Variants in LRP11 observed in about 807,000 individuals in gnomAD.
LRP11 encodes the protein LDL receptor related protein 11, also known as low-density lipoprotein receptor-related protein 11.
Under a neutral mutation model 43.1 loss-of-function variants are expected in LRP11, and 25 were observed. The ratio of observed to expected loss-of-function variants is 0.58; its 90% CI spans 0.42 to 0.81. The LOEUF is 0.81. LRP11 is among the 30% of genes least tolerant of loss of function. The pLI is 0.00. For missense variants in LRP11, 623 were observed against 665.1 expected, an observed-to-expected ratio of 0.94 and a Z score of 0.70; for synonymous variants, 316 against 299.4, an observed-to-expected ratio of 1.06 and a Z score of -0.57.
At chr6:149,825,311 A>G (rs1157475776) in intron 6 of LRP11, among the ~76,000 whole-genome samples, 1 of 152,130 alleles carries the variant, frequency 6.6e-6, no homozygotes, top group Non-Finnish European at 1.5e-5. Flanking sequence ...AAATTATTGT[A>G]TTCTTCTTCC....
chr6:149,836,315 T>A lies in LRP11; in HGVS notation c.1040-18A>T. 6.2e-7 allele frequency: 1 copy of A among 1,604,010 alleles called. No individual in the cohort carries two copies. The highest frequency in any genetic ancestry group is 8.5e-7 in the Non-Finnish European group (1 of 1,171,460). On this transcript the variant is annotated intron_variant, in intron 4 of 6. Coordinates refer to ENST00000239367, the MANE Select transcript of LRP11 (RefSeq NM_032832.6). ...CAGGCCCACTGAAGTGTGGAAGAGC[T>A]ACTGTTAGTTGCTGGATTTCTTTTC...
chr6:149,823,327 ACAGT>A (rs1776299940), intron 6 of LRP11, among the ~76,000 whole-genome samples: 1 of 152,302 alleles, frequency 6.6e-6, no homozygotes, highest in East Asian at 1.9e-4. Flanking sequence ...GAACATGATC[ACAGT>A]CAGGAGAATG....
intron 6 of LRP11, among the ~76,000 whole-genome samples, chr6:149,821,789 A>G (rs1776281470): frequency 6.6e-6 from 1 of 152,224 alleles, no homozygotes; most frequent in Non-Finnish European, 1.5e-5. Flanking sequence ...TAGAGGAGAA[A>G]CATCTCCTTT....
Position 149,837,479 on chromosome 6 carries a change from TCTC to T in LRP11, c.914-19_914-17del. On this transcript the variant is annotated splice_polypyrimidine_tract_variant and intron_variant, in intron 3 of 6. Coordinates refer to ENST00000239367, the MANE Select transcript of LRP11 (RefSeq NM_032832.6). The stretch of plus-strand genomic sequence containing the variant: ...TGCAAACATCCTATTTGTAAACAAA[TCTC>T]AAGTCACACGAGTGCAGAAGTTCAG... 1 of 1,611,964 alleles carries T rather than the reference TCTC, an allele frequency of 6.2e-7. No homozygotes were observed. Among genetic ancestry groups the T allele is most frequent in the Non-Finnish European group, 8.5e-7 (1 of 1,178,956 alleles).
intron 2 of LRP11, among the ~76,000 whole-genome samples, chr6:149,848,956 A>G (rs1022760433): frequency 2.0e-5 from 3 of 152,240 alleles, no homozygotes; most frequent in Non-Finnish European, 2.9e-5. Flanking sequence ...ATATGAGGAC[A>G]CAGTGAGAAG....
At position 149,864,220 on chromosome 6, in the gene LRP11, TAGCCGGCCC is replaced by T; in HGVS notation, c.-209_-201del. ...GCGGGAACCGCAGTAGCGGGAGACA[TAGCCGGCCC>T]AGCCGGGCACCGCTCCTTGCCCTCG... On this transcript the variant is annotated 5_prime_UTR_variant, in exon 1 of 7. Transcript: ENST00000239367. The T allele has an allele frequency of 1.8e-6, 2 of 1,103,958 alleles. No individual in the cohort carries two copies. Among genetic ancestry groups the T allele is most frequent in the Non-Finnish European group, 2.2e-6 (2 of 907,878 alleles). The allele number at this position is 1,103,958 out of a possible 1,614,324, so 68.4% of individuals were successfully genotyped here.
intron 5 of LRP11, among the ~76,000 whole-genome samples, chr6:149,830,378 TTGGTGG>T (rs1390529385): frequency 6.6e-6 from 1 of 152,160 alleles, no homozygotes; most frequent in Non-Finnish European, 1.5e-5. Flanking sequence ...TAGCTAGTAA[TTGGTGG>T]TGCTGGAATT....
chr6:149,842,416 A>G (rs183144868), intron 3 of LRP11: 807 of 569,586 alleles, frequency 1.4e-3, no homozygotes, highest in Non-Finnish European at 2.1e-3. Context: ...AACATTTAAA[A>G]CCTACTGTTT....
Position 149,864,055 on chromosome 6 carries a change from G to T in LRP11, c.-35C>A, listed in dbSNP as rs1032343384. ...AGCCAAGGGCAGCGAGCCGAGGCGG[G>T]GCTGAGCGCGGGAGGAAGGCGGGGA... is the stretch of plus-strand genomic sequence containing the variant. On this transcript the variant is annotated 5_prime_UTR_variant, in exon 1 of 7. Coordinates refer to ENST00000239367, the MANE Select transcript of LRP11 (RefSeq NM_032832.6). 20 of 1,280,200 alleles carry T rather than the reference G, an allele frequency of 1.6e-5. No homozygotes were observed. Among genetic ancestry groups the T allele is most frequent in the Non-Finnish European group, 1.8e-5 (18 of 1,017,634 alleles). 79.3% of individuals were successfully genotyped at this position (1,280,200 alleles called of 1,614,324 possible).
chr6:149,834,343 G>A (rs1186251627), intron 5 of LRP11, among the ~76,000 whole-genome samples: 2 of 152,148 alleles, frequency 1.3e-5, no homozygotes, highest in Non-Finnish European at 2.9e-5. Context: ...GAGGACATCT[G>A]GTTGAAGTCC....
chr6:149,842,497 C>G (rs1776562941), intron 3 of LRP11: 2 of 708,160 alleles, frequency 2.8e-6, no homozygotes, highest in Admixed American at 2.3e-5. Flanking sequence ...ATCACCAGAA[C>G]CTGTTCCTCC....
intron 2 of LRP11, among the ~76,000 whole-genome samples, chr6:149,849,350 A>G (rs1776686177): frequency 6.6e-6 from 1 of 151,582 alleles, no homozygotes. Flanking sequence ...GATGTATTAT[A>G]AATATTCAGT....
intron 3 of LRP11, chr6:149,842,708 A>C (rs968914022): frequency 1.3e-6 from 2 of 1,548,624 alleles, no homozygotes; most frequent in African/African-American, 2.7e-5. Flanking sequence ...AGAATAGCCA[A>C]GCAATTGTCT....
At chr6:149,826,501 T>A in intron 5 of LRP11, 142 bp from the exon 6 acceptor site, 1 of 613,390 alleles carries the variant, frequency 1.6e-6, no homozygotes, top group South Asian at 2.1e-5. Flanking sequence ...AGGCCTATGT[T>A]TGATAGTTAA....
intron 1 of LRP11, among the ~76,000 whole-genome samples, chr6:149,861,266 C>T (rs1317589225): frequency 2.0e-5 from 3 of 152,168 alleles, no homozygotes; most frequent in African/African-American, 7.2e-5. Flanking sequence ...TTTTTGACCT[C>T]CACGCAGAGA....
At chr6:149,830,231 G>T (rs138503468) in intron 5 of LRP11, among the ~76,000 whole-genome samples, 1 of 151,868 alleles carries the variant, frequency 6.6e-6, no homozygotes, top group South Asian at 2.1e-4. Context: ...GGCTGGTCTC[G>T]AACTCCCTAC....
intron 1 of LRP11, among the ~76,000 whole-genome samples, chr6:149,856,063 G>A (rs1470997981): frequency 6.6e-6 from 1 of 152,150 alleles, no homozygotes; most frequent in Admixed American, 6.6e-5. Flanking sequence ...ATTCTGGAAA[G>A]CATCTTATAA....
intron 1 of LRP11, among the ~76,000 whole-genome samples, chr6:149,861,152 C>T (rs998884726): frequency 6.6e-6 from 1 of 152,098 alleles, no homozygotes; most frequent in African/African-American, 2.4e-5. Context: ...TGCTCACAAC[C>T]CAAAAACGAA....
intron 1 of LRP11, among the ~76,000 whole-genome samples, chr6:149,859,377 CATATAT>C (rs201050390): frequency 1.9e-5 from 1 of 51,600 alleles, no homozygotes; most frequent in East Asian, 1.6e-3. Context: ...CTTGCTGACT[CATATAT>C]ATATATATAT....
Sources: gnomAD v4.1 joint callset for allele counts (sites outside exome capture counted in the v4.1 genomes callset) on GRCh38, gnomAD v4.1.1 for gene constraint, MANE v1.5 for transcripts, NCBI Gene and HGNC (gene_info 2026-07-23, HGNC 2026-07-21) for gene names.